FRY: variants seen among roughly 807,000 people sequenced by gnomAD.
FRY encodes the protein protein furry homolog.
In FRY, 128 loss-of-function variants were observed where a neutral mutation model predicts 348.4. That is an observed-to-expected ratio of 0.37 (90% CI 0.32 to 0.43). The LOEUF is 0.43. Ranked by LOEUF, FRY falls within the 20% of genes least tolerant of loss-of-function variation. The pLI is 1.00. For synonymous variants in FRY, 1,370 were observed against 1,374.7 expected, an observed-to-expected ratio of 1.00 and a Z score of 0.08; for missense variants, 2,736 against 3,695.2, an observed-to-expected ratio of 0.74 and a Z score of 6.73.
intron 1 of FRY, among the ~76,000 whole-genome samples, chr13:32,047,268 G>C (rs559536904): frequency 8.5e-5 from 13 of 152,160 alleles, no homozygotes; most frequent in Non-Finnish European, 1.5e-4. Context: ...TAAGTTAATG[G>C]TTTTGTCATG....
intron 11 of FRY, among the ~76,000 whole-genome samples, chr13:32,145,989 A>C (rs1304217680): frequency 6.6e-6 from 1 of 152,012 alleles, no homozygotes; most frequent in Non-Finnish European, 1.5e-5. Context: ...TATTCTCCTC[A>C]TGAAAGGTGC....
chr13:32,214,188 G>A (rs762139033), intron 35 of FRY, among the ~76,000 whole-genome samples: 23 of 152,088 alleles, frequency 1.5e-4, no homozygotes, highest in Non-Finnish European at 2.4e-4. Flanking sequence ...TGTGCCCTCA[G>A]CCTAAAATCC....
At chr13:32,268,506 AT>A (rs1331831593) in intron 55 of FRY, among the ~76,000 whole-genome samples, 6,827 of 26,448 alleles carry the variant, frequency 0.26, 298 homozygotes, top group African/African-American at 0.3. Context: ...AAAAAAAAAA[AT>A]ATATATATAT....
At position 32,295,337 on chromosome 13, in the gene FRY, C is replaced by G; in HGVS notation, c.8919C>G (p.Thr2973=). The G allele has an allele frequency of 6.2e-7, 1 of 1,613,918 alleles. No homozygotes were observed. Among genetic ancestry groups the G allele is most frequent in the Non-Finnish European group, 8.5e-7 (1 of 1,179,994 alleles). Residue 2973 remains threonine, a synonymous_variant, in exon 61 of 61, where the codon ACC becomes ACG. Transcript: ENST00000542859. ...YALVGSNQSL[T]EICTKLMELN... ...TGGTGGGGTCTAACCAGAGCCTGAC[C>G]GAGATCTGCACCAAGCTGATGGAGC...
chr13:32,240,830 A>C (rs1886460033), intron 46 of FRY, among the ~76,000 whole-genome samples: 2 of 152,210 alleles, frequency 1.3e-5, no homozygotes, highest in African/African-American at 4.8e-5. Context: ...TATATCATCA[A>C]TCCAGATGCC....
intron 17 of FRY, among the ~76,000 whole-genome samples, chr13:32,163,548 T>C (rs1198623468): frequency 6.6e-6 from 1 of 152,180 alleles, no homozygotes; most frequent in Non-Finnish European, 1.5e-5. Flanking sequence ...TAAATTGAAG[T>C]AGAAGGAAAG....
At chr13:32,238,079 C>G in intron 44 of FRY, 93 bp downstream of exon 44, 2 of 1,392,726 alleles carry the variant, frequency 1.4e-6, no homozygotes, top group African/African-American at 1.4e-5. Context: ...CTGCTTTTAA[C>G]AATTCTGCTT....
chr13:32,271,919 G>A (rs1888223324), intron 55 of FRY, among the ~76,000 whole-genome samples: 1 of 152,138 alleles, frequency 6.6e-6, no homozygotes, highest in Non-Finnish European at 1.5e-5. Context: ...GCCAGGCATG[G>A]GCCCTGGGGG....
At position 32,239,228 on chromosome 13, in the gene FRY, T is replaced by A; in HGVS notation, c.6419-24T>A. On this transcript the variant is annotated intron_variant, in intron 44 of 60. Transcript: ENST00000542859. The surrounding 1 kb of genome is among the most constrained non-coding windows in gnomAD (Gnocchi z 4.3). The stretch of plus-strand genomic sequence containing the variant: ...CTAAAATATACCATATTCAGCTATC[T>A]CCATTGTATCTTCTCTAATCCAGGG... 1 of 1,351,108 alleles carries A rather than the reference T, an allele frequency of 7.4e-7. No homozygotes were observed. The highest frequency in any genetic ancestry group is 1.1e-6 in the Non-Finnish European group (1 of 940,242). The allele number at this position is 1,351,108 out of a possible 1,614,324, so 83.7% of individuals were successfully genotyped here.
rs1020883626 is a variant in FRY at position 32,223,823 on chromosome 13, G to T, written c.4766-412G>T. On this transcript the variant is annotated intron_variant, in intron 36 of 60. Transcript: ENST00000542859. ...GGTCCACTGCAGCCTCCACCTCCCA[G>T]ATTCAAGCGATTCTCCTGCCTCATC... Among the ~76,000 whole-genome samples the T allele has an allele frequency of 2.6e-5, 4 of 152,158 alleles. No homozygotes were observed. The South Asian group carries it at 8.3e-4, about 31-fold the overall frequency.
chr13:32,171,164 T>A lies in FRY; in HGVS notation c.2045T>A (p.Leu682His), dbSNP rs751324531. 2.5e-6 allele frequency: 4 copies of A among 1,613,802 alleles called. No homozygotes were observed. The African/African-American group carries it at 5.3e-5, about 22-fold the overall frequency. The change falls in exon 18 of 61, where the codon CTT (leucine) becomes CAT (histidine). Residue 682 changes from leucine (L) to histidine (H), a missense_variant. By Grantham distance (99) the Leu-to-His change is moderately conservative. Around this residue, in one of 9 missense-constraint regions of FRY, gnomAD observed 449 missense variants for 576.9 expected, o/e 0.78. Coordinates refer to ENST00000542859, the MANE Select transcript of FRY (RefSeq NM_023037.3). ...REVNDMHHTL[L>H]DSSLKLLLQL... ...GTAAATGATATGCATCACACACTCC[T>A]TGATTCGTCCCTGAAGTTGCTGCTG...
intron 36 of FRY, among the ~76,000 whole-genome samples, chr13:32,219,332 G>C (rs756706734): frequency 2.7e-5 from 4 of 148,864 alleles, no homozygotes; most frequent in Non-Finnish European, 4.5e-5. Context: ...CTCATGATCC[G>C]CCCGCCTCGG....
At chr13:32,034,150 C>T (rs1039439502) in intron 1 of FRY, among the ~76,000 whole-genome samples, 1 of 152,160 alleles carries the variant, frequency 6.6e-6, no homozygotes, top group African/African-American at 2.4e-5. Context: ...TATGGTGGTG[C>T]TTATTTACAA....
intron 3 of FRY, among the ~76,000 whole-genome samples, chr13:32,109,451 G>A (rs1287745642): frequency 1.3e-5 from 2 of 152,174 alleles, no homozygotes; most frequent in Admixed American, 1.3e-4. Flanking sequence ...TGCTAGGAAG[G>A]TACACAAGTG....
intron 8 of FRY, among the ~76,000 whole-genome samples, chr13:32,132,776 G>C (rs774876651): frequency 6.6e-5 from 10 of 152,048 alleles, no homozygotes; most frequent in Non-Finnish European, 1.2e-4. Context: ...GCCAAAAAGT[G>C]GAAACAACCC....
rs908301847 is a variant in FRY at position 32,157,413 on chromosome 13, C to T, written c.1784+8C>T. 8 of 1,610,996 alleles carry T rather than the reference C, an allele frequency of 5.0e-6. No individual in the cohort carries two copies. The highest frequency in any genetic ancestry group is 6.8e-6 in the Non-Finnish European group (8 of 1,177,478). ...ACCGGAAGACATGATCACGTGAGTA[C>T]AGTAAAGACTAAGTTATCAGTGAAA... On this transcript the variant is annotated splice_region_variant and intron_variant, in intron 16 of 60. Transcript: ENST00000542859.
Position 32,251,793 on chromosome 13 carries a change from G to A in FRY, c.7171-85G>A, listed in dbSNP as rs1887096959. 4 of 818,684 alleles carry A rather than the reference G, an allele frequency of 4.9e-6. No individual in the cohort carries two copies. In the African/African-American group the frequency reaches 6.7e-5, roughly 14 times the overall value. The allele number at this position is 818,684 out of a possible 1,614,324, so 50.7% of individuals were successfully genotyped here. On this transcript the variant is annotated intron_variant, in intron 49 of 60. Coordinates refer to ENST00000542859, the MANE Select transcript of FRY (RefSeq NM_023037.3). ...TTCTGTCTATACGTTAAGTGCTATT[G>A]CCCTGTATGGCTAGTGGCTAGAAAA... is the stretch of plus-strand genomic sequence containing the variant.
intron 13 of FRY, among the ~76,000 whole-genome samples, chr13:32,148,665 A>G (rs561937): frequency 0.72 from 109,756 of 152,156 alleles, 40,283 homozygotes; most frequent in East Asian, 0.98. Flanking sequence ...CAAGTCAGAG[A>G]ACATCTTTTT....
At chr13:32,232,333 G>A (rs1268545937) in intron 41 of FRY, among the ~76,000 whole-genome samples, 1 of 152,160 alleles carries the variant, frequency 6.6e-6, no homozygotes, top group African/African-American at 2.4e-5. Flanking sequence ...TTTGCACCTT[G>A]ACCAATTTTT....
Sources: allele counts gnomAD v4.1 joint callset (sites outside exome capture counted in the v4.1 genomes callset), GRCh38; gene constraint gnomAD v4.1.1; regional missense constraint gnomAD v4.1.1; non-coding constraint Gnocchi (gnomAD v3.1); transcripts MANE v1.5; gene names NCBI Gene and HGNC (gene_info 2026-07-23, HGNC 2026-07-21).